Variants in CES5A observed in about 807,000 individuals in gnomAD.
The protein encoded by CES5A is carboxylesterase 5.
Under a neutral mutation model 62.9 loss-of-function variants are expected in CES5A, and 67 were observed. The ratio of observed to expected loss-of-function variants is 1.07; its 90% CI spans 0.88 to 1.31. The LOEUF is 1.31. CES5A is among the 50% of genes most tolerant of loss of function. CES5A has a pLI of 0.00. For synonymous variants in CES5A, 296 were observed against 280.8 expected (o/e 1.05, Z -0.54); for missense variants, 748 against 708.5 (o/e 1.06, Z -0.63).
chr16:55,868,584 T>C (rs1261331201), intron 4 of CES5A, among the ~76,000 whole-genome samples: 1 of 152,160 alleles, frequency 6.6e-6, no homozygotes, highest in Non-Finnish European at 1.5e-5. Context: ...ATGTCCTTCT[T>C]GGTAATGTGG....
At chr16:55,865,107 G>C (rs141246982) in intron 5 of CES5A, among the ~76,000 whole-genome samples, 8,460 of 152,168 alleles carry the variant, frequency 0.056, 809 homozygotes, top group African/African-American at 0.19. Flanking sequence ...TCAGGAGGCT[G>C]AGGCAAGAGA....
At chr16:55,946,793 C>T (rs1196648835) in intron 2 of CES5A, among the ~76,000 whole-genome samples, 2 of 152,228 alleles carry the variant, frequency 1.3e-5, no homozygotes, top group African/African-American at 4.8e-5. Context: ...TTGGGCTCAG[C>T]TGAGTTTGGC....
chr16:55,853,476 G>A (rs1344857569), intron 9 of CES5A, among the ~76,000 whole-genome samples: 1 of 152,228 alleles, frequency 6.6e-6, no homozygotes, highest in African/African-American at 2.4e-5. Flanking sequence ...AAGGTCCTCT[G>A]TGACTACACG....
chr16:55,922,176 G>T (rs1412869867), intron 1 of CES5A, among the ~76,000 whole-genome samples: 3 of 151,922 alleles, frequency 2.0e-5, no homozygotes, highest in African/African-American at 7.2e-5. Context: ...TCAATAGTAA[G>T]CCCTTACTTA....
intron 4 of CES5A, 121 bp downstream of exon 4, chr16:55,869,490 G>A: frequency 7.3e-7 from 1 of 1,364,562 alleles, no homozygotes; most frequent in Non-Finnish European, 9.5e-7. Flanking sequence ...TAAGTAATTA[G>A]GGCCAGTTTT....
At chr16:55,922,691 C>T (rs970029278) in intron 1 of CES5A, among the ~76,000 whole-genome samples, 35 of 151,888 alleles carry the variant, frequency 2.3e-4, no homozygotes, top group African/African-American at 8.2e-4. Context: ...ACATAATAAG[C>T]CTAACTGACA....
chr16:55,914,735 C>G (rs1318230025), intron 1 of CES5A, among the ~76,000 whole-genome samples: 1 of 152,136 alleles, frequency 6.6e-6, no homozygotes, highest in Non-Finnish European at 1.5e-5. Flanking sequence ...TGGAGAGGCA[C>G]GATCCCAAAG....
At chr16:55,866,770 G>A (rs192713040) in intron 4 of CES5A, among the ~76,000 whole-genome samples, 23 of 151,864 alleles carry the variant, frequency 1.5e-4, no homozygotes, top group African/African-American at 4.1e-4. Context: ...CCCGGGAGGC[G>A]GAGCTTGCAG....
rs1465607113 is a variant in CES5A at position 55,873,903 on chromosome 16, G to A, written c.208C>T (p.Leu70=). 6.2e-7 allele frequency: 1 copy of A among 1,613,832 alleles called. No homozygotes were observed. The highest frequency in any genetic ancestry group is 1.7e-5 in the Admixed American group (1 of 60,018). The change falls in exon 2 of 13, where the codon CTG becomes TTG. Residue 70 remains leucine, a synonymous_variant. Transcript: ENST00000290567. ...GCAGGCTGCGGGTTCGTAAATCGCAGGGATCCCAGCGGGGGAGCAGCAAAG... is the reference window on the plus strand; with the variant it reads ...GCAGGCTGCGGGTTCGTAAATCGCAAGGATCCCAGCGGGGGAGCAGCAAAG... ...VPFAAPPLGS[L]RFTNPQPASP... is the part of the protein sequence containing the mutation.
rs373929877 is a variant in CES5A at position 55,869,605 on chromosome 16, A to C, written c.551+6T>G. The C allele has an allele frequency of 1.7e-5, 27 of 1,612,856 alleles. No individual in the cohort carries two copies. The Admixed American group carries it at 2.0e-4, about 12-fold the overall frequency. On this transcript the variant is annotated splice_donor_region_variant and intron_variant, in intron 4 of 12. Coordinates refer to ENST00000290567, the MANE Select transcript of CES5A (RefSeq NM_001143685.2). Reference sequence around the variant, plus strand: ...TCTGGGATGTCCATCATTTGGAGAGACTCACGTGAAGAAACCAAATATTCC... The same window carrying C: ...TCTGGGATGTCCATCATTTGGAGAGCCTCACGTGAAGAAACCAAATATTCC...
upstream of CES5A, among the ~76,000 whole-genome samples, chr16:55,877,625 G>A (rs1276392092): frequency 2.0e-5 from 3 of 152,044 alleles, no homozygotes; most frequent in African/African-American, 7.2e-5. Flanking sequence ...GGCCCCTAAT[G>A]CACAGGACCT....
chr16:55,933,999 G>T (rs1485071446), intron 2 of CES5A, among the ~76,000 whole-genome samples: 2 of 151,958 alleles, frequency 1.3e-5, no homozygotes, highest in African/African-American at 4.8e-5. Flanking sequence ...AAGGGTTCTT[G>T]TCTCAGGGCC....
intron 8 of CES5A, among the ~76,000 whole-genome samples, chr16:55,858,487 G>A (rs1347826532): frequency 6.6e-6 from 1 of 152,046 alleles, no homozygotes; most frequent in Non-Finnish European, 1.5e-5. Flanking sequence ...TCACTGAAAG[G>A]CCTTACTTAA....
rs772340551 is a variant in CES5A, at chr16:55,875,154, G to T, written c.68C>A (p.Thr23Asn). Residue 23 changes from threonine (T) to asparagine (N), a missense_variant, in exon 1 of 13, where the codon ACC becomes AAC. Thr to Asn is a moderately conservative substitution (Grantham distance 65). Transcript: ENST00000290567. ...TTTCCCATTGGATATCTCACCTTTG[G>T]TGGGGGCTGCAAGGACCCAGATAGC... ...IWAIWVLAAP[T>N]KGPSAEGPQR... The T allele has an allele frequency of 1.2e-6, 2 of 1,613,990 alleles. No homozygotes were observed. Among genetic ancestry groups the T allele is most frequent in the African/African-American group, 2.7e-5 (2 of 75,028 alleles).
intron 1 of CES5A, among the ~76,000 whole-genome samples, chr16:55,898,186 A>G (rs998880596): frequency 2.0e-5 from 3 of 152,182 alleles, no homozygotes; most frequent in Admixed American, 1.3e-4. Flanking sequence ...GCTTTCCTAT[A>G]TGCATGCTAC....
At position 55,861,413 on chromosome 16, in the gene CES5A, T is replaced by TG; in HGVS notation, c.913dup (p.Gln305ProfsTer11). On this transcript the variant is annotated frameshift_variant and splice_region_variant, in exon 7 of 13. Coordinates refer to ENST00000290567, the MANE Select transcript of CES5A (RefSeq NM_001143685.2). LOFTEE classifies it high-confidence loss of function. ...CAAAACTGCCCCCTCTGTCCTCACC[T>TG]GGCTGAGGGTCAGCAGCTCCTTGGA... The TG allele has an allele frequency of 6.2e-7, 1 of 1,604,930 alleles. No homozygotes were observed. Among genetic ancestry groups the TG allele is most frequent in the South Asian group, 1.1e-5 (1 of 90,806 alleles).
exon 1 of CES5A, chr16:55,955,962 A>T: frequency 7.0e-7 from 1 of 1,420,076 alleles, no homozygotes; most frequent in South Asian, 1.2e-5. Flanking sequence ...CCTCTTGCAC[A>T]TCATGTACAT....
At chr16:55,926,579 A>G (rs1187597976), upstream of CES5A, among the ~76,000 whole-genome samples, 1 of 152,218 alleles carries the variant, frequency 6.6e-6, no homozygotes, top group African/African-American at 2.4e-5. Flanking sequence ...AGAAGAGGCC[A>G]AAGCAGAACT....
At chr16:55,954,268 G>A (rs187152973) in intron 1 of CES5A, among the ~76,000 whole-genome samples, 59 of 152,204 alleles carry the variant, frequency 3.9e-4, no homozygotes, top group East Asian at 1.9e-3. Flanking sequence ...TTGCAGGTTC[G>A]GTATTTCATT....
Sources: allele counts gnomAD v4.1 joint callset (sites outside exome capture counted in the v4.1 genomes callset), GRCh38; gene constraint gnomAD v4.1.1; transcripts MANE v1.5; gene names NCBI Gene and HGNC (gene_info 2026-07-23, HGNC 2026-07-21).